Variants in ADK observed in about 807,000 individuals in gnomAD.
ADK encodes the protein adenosine kinase, also known as N6,N6-dimethyladenosine kinase.
ADK carries 24 observed loss-of-function variants against 44.7 expected under a neutral mutation model. That is an observed-to-expected ratio of 0.54 (90% CI 0.39 to 0.76). The LOEUF is 0.76. Among genes scored for constraint, ADK ranks in the 30% least tolerant of loss-of-function variants. The pLI is 0.00. For synonymous variants in ADK, 128 were observed against 142.6 expected (o/e 0.90, Z 0.73); for missense variants, 321 against 425.1 (o/e 0.76, Z 2.15).
intron 7 of ADK, among the ~76,000 whole-genome samples, chr10:74,574,255 C>G (rs916239888): frequency 1.8e-4 from 27 of 151,586 alleles, no homozygotes; most frequent in Admixed American, 9.2e-4. Flanking sequence ...CAACCTCCAT[C>G]CACCTCCGAC....
At chr10:74,302,044 A>G (rs1374327097) in intron 3 of ADK, among the ~76,000 whole-genome samples, 1 of 103,560 alleles carries the variant, frequency 9.7e-6, no homozygotes, top group African/African-American at 3.9e-5. Flanking sequence ...AGGGCTTTGT[A>G]TTTTTACCTT....
At chr10:74,222,950 A>G (rs1050676123) in intron 2 of ADK, among the ~76,000 whole-genome samples, 1 of 152,168 alleles carries the variant, frequency 6.6e-6, no homozygotes, top group African/African-American at 2.4e-5. Flanking sequence ...AGCATGTCAC[A>G]TGCATACATA....
chr10:74,696,465 A>G (rs951502135), intron 10 of ADK, among the ~76,000 whole-genome samples: 2 of 151,402 alleles, frequency 1.3e-5, no homozygotes, highest in East Asian at 1.9e-4. Context: ...TCCCGAGTTC[A>G]TGCCATTCTC....
intron 7 of ADK, among the ~76,000 whole-genome samples, chr10:74,528,555 G>A (rs1168547176): frequency 1.3e-5 from 2 of 151,608 alleles, no homozygotes; most frequent in Non-Finnish European, 2.9e-5. Flanking sequence ...TTTGGGCATC[G>A]AAGGACACTA....
chr10:74,653,553 G>GAGGAACACA (rs1854360172), intron 9 of ADK, among the ~76,000 whole-genome samples: 2 of 152,136 alleles, frequency 1.3e-5, no homozygotes, highest in African/African-American at 4.8e-5. Flanking sequence ...AAAGAATGGT[G>GAGGAACACA]AGGAACACAA....
At chr10:74,656,289 A>G (rs760852535) in intron 9 of ADK, among the ~76,000 whole-genome samples, 1 of 152,194 alleles carries the variant, frequency 6.6e-6, no homozygotes, top group Admixed American at 6.5e-5. Flanking sequence ...GCTTCCTCCC[A>G]CAGCAGCTGT....
At chr10:74,532,936 A>C (rs931161005) in intron 7 of ADK, among the ~76,000 whole-genome samples, 6 of 151,706 alleles carry the variant, frequency 4.0e-5, no homozygotes, top group African/African-American at 1.5e-4. Flanking sequence ...AAAAAAAAAA[A>C]AAAAGCTATT....
rs533573501 is a variant in ADK at position 74,699,493 on chromosome 10, C to T, written c.965-8828C>T. Among the ~76,000 whole-genome samples, 604 of 152,212 alleles carry T rather than the reference C, an allele frequency of 4.0e-3. 4 individuals carry two copies. Among genetic ancestry groups the T allele is most frequent in the African/African-American group, 0.014 (567 of 41,530 alleles). ...AGGAGTTCAAGACCAGCCTGGCCAA[C>T]ATGGTGAAACCCGTCTCTACTGAAA... On this transcript the variant is annotated intron_variant, in intron 10 of 10. Transcript: ENST00000539909.
intron 6 of ADK, among the ~76,000 whole-genome samples, chr10:74,474,859 G>C (rs535787011): frequency 1.3e-5 from 2 of 152,330 alleles, no homozygotes; most frequent in Admixed American, 1.3e-4. Context: ...CTGGTGCGGA[G>C]GCTCACGCCT....
chr10:74,263,601 G>C (rs1846117838), intron 3 of ADK, among the ~76,000 whole-genome samples: 1 of 151,992 alleles, frequency 6.6e-6, no homozygotes, highest in South Asian at 2.1e-4. Flanking sequence ...GTACATCTGG[G>C]GTTCTCTGTA....
chr10:74,672,466 G>C (rs1855225338), intron 10 of ADK, among the ~76,000 whole-genome samples: 1 of 152,102 alleles, frequency 6.6e-6, no homozygotes, highest in African/African-American at 2.4e-5. Context: ...TCCAGACACT[G>C]GATTTCACTA....
intron 6 of ADK, among the ~76,000 whole-genome samples, chr10:74,415,818 A>G (rs1844348392): frequency 6.6e-6 from 1 of 152,078 alleles, no homozygotes; most frequent in Admixed American, 6.5e-5. Flanking sequence ...GTATCTAGTT[A>G]TTATGACTAC....
intron 6 of ADK, among the ~76,000 whole-genome samples, chr10:74,444,574 A>G (rs1564726107): frequency 6.6e-6 from 1 of 152,074 alleles, no homozygotes; most frequent in African/African-American, 2.4e-5. Context: ...TTTTGTAGCA[A>G]GGGGTTGGGG....
intron 7 of ADK, among the ~76,000 whole-genome samples, chr10:74,580,144 G>A (rs1013362570): frequency 2.0e-5 from 3 of 152,196 alleles, no homozygotes; most frequent in Admixed American, 6.5e-5. Flanking sequence ...TGGTTTGGCT[G>A]TGTCCCCATC....
chr10:74,684,004 A>G (rs561507381), intron 10 of ADK, among the ~76,000 whole-genome samples: 1 of 152,350 alleles, frequency 6.6e-6, no homozygotes, highest in South Asian at 2.1e-4. Flanking sequence ...GTGTTTACTC[A>G]AACAGAGTAT....
At chr10:74,456,489 A>G (rs1239602016) in intron 6 of ADK, among the ~76,000 whole-genome samples, 2 of 151,918 alleles carry the variant, frequency 1.3e-5, no homozygotes, top group African/African-American at 2.4e-5. Flanking sequence ...CCTGGCTAAC[A>G]TGGTGAAACT....
rs542192843 is a variant in ADK at position 74,356,562 on chromosome 10, G to C, written c.274-37579G>C. On this transcript the variant is annotated intron_variant, in intron 4 of 10. Coordinates refer to ENST00000539909, the MANE Select transcript of ADK (RefSeq NM_006721.4). ...ATAAATTGGATGGTATGTTATAAAT[G>C]GATAGTAGGATTTTTCCTTTCTTCA... 9.3e-4 allele frequency among the ~76,000 whole-genome samples: 141 copies of C among 152,210 alleles called. 3 individuals carry two copies. The highest frequency in any genetic ancestry group is 8.4e-4 in the Non-Finnish European group (57 of 68,004).
chr10:74,559,759 A>G (rs1020877817), intron 7 of ADK, among the ~76,000 whole-genome samples: 2 of 151,952 alleles, frequency 1.3e-5, no homozygotes, highest in Non-Finnish European at 2.9e-5. Context: ...TTTTCATATT[A>G]TAGTGCATTT....
intron 9 of ADK, among the ~76,000 whole-genome samples, chr10:74,635,194 T>C (rs1158928323): frequency 6.6e-6 from 1 of 152,180 alleles, no homozygotes; most frequent in Admixed American, 6.5e-5. Context: ...AACATTTAAT[T>C]AGACTACTAC....
Sources: allele counts gnomAD v4.1 joint callset (sites outside exome capture counted in the v4.1 genomes callset), GRCh38; gene constraint gnomAD v4.1.1; transcripts MANE v1.5; gene names NCBI Gene and HGNC (gene_info 2026-07-23, HGNC 2026-07-21).